Variants in PTPRN2 observed in about 807,000 individuals in gnomAD.
The protein encoded by PTPRN2 is receptor-type tyrosine-protein phosphatase N2.
A neutral mutation model predicts 118.8 loss-of-function variants in PTPRN2; 74 were observed. The observed-to-expected ratio is 0.62, with a 90% CI of 0.52 to 0.76. The LOEUF (loss-of-function observed/expected upper bound fraction) is 0.76, where lower values mean the gene tolerates loss of function less well. PTPRN2 is among the 30% of genes least tolerant of loss of function. The pLI is 0.00. For synonymous variants in PTPRN2, 641 were observed against 608.0 expected, an observed-to-expected ratio of 1.05 and a Z score of -0.80; for missense variants, 1,481 against 1,394.4, an observed-to-expected ratio of 1.06 and a Z score of -0.99.
intron 11 of PTPRN2, among the ~76,000 whole-genome samples, chr7:157,906,941 A>C (rs1247762948): frequency 6.6e-6 from 1 of 152,188 alleles, no homozygotes; most frequent in Admixed American, 6.5e-5. Context: ...AAACACGTGC[A>C]GTGACACTTC....
intron 10 of PTPRN2, among the ~76,000 whole-genome samples, chr7:158,096,207 TATAC>T (rs1375794955): frequency 1.3e-5 from 2 of 152,174 alleles, no homozygotes; most frequent in Non-Finnish European, 2.9e-5. Flanking sequence ...CTCACAGCCG[TATAC>T]ATAATTTGTG....
At chr7:157,673,288 T>A (rs1211062124) in intron 13 of PTPRN2, among the ~76,000 whole-genome samples, 1 of 152,148 alleles carries the variant, frequency 6.6e-6, no homozygotes, top group Non-Finnish European at 1.5e-5. Flanking sequence ...CCTCCCAAAG[T>A]GCTGGGATTA....
intron 12 of PTPRN2, among the ~76,000 whole-genome samples, chr7:157,875,571 C>T (rs1795708354): frequency 1.3e-5 from 2 of 152,262 alleles, no homozygotes; most frequent in South Asian, 4.1e-4. Flanking sequence ...GTTCCAGCCA[C>T]TTCCAAGGTG....
intron 12 of PTPRN2, among the ~76,000 whole-genome samples, chr7:157,766,181 A>C: frequency 8.8e-6 from 1 of 113,712 alleles, no homozygotes; most frequent in African/African-American, 3.5e-5. Flanking sequence ...CCATCTGTCC[A>C]CCAATCCATC....
At chr7:157,832,092 C>T (rs537653201) in intron 12 of PTPRN2, among the ~76,000 whole-genome samples, 4 of 152,290 alleles carry the variant, frequency 2.6e-5, no homozygotes, top group African/African-American at 4.8e-5. Context: ...TCTTCAGCAG[C>T]GCCCGGAAGC....
intron 9 of PTPRN2, among the ~76,000 whole-genome samples, chr7:158,114,227 C>A (rs978842286): frequency 6.6e-6 from 1 of 152,104 alleles, no homozygotes; most frequent in Non-Finnish European, 1.5e-5. Context: ...CAAGGACTCA[C>A]CAGGATGGGC....
intron 12 of PTPRN2, among the ~76,000 whole-genome samples, chr7:157,828,472 C>T (rs1254459075): frequency 2.6e-5 from 4 of 152,234 alleles, no homozygotes; most frequent in Non-Finnish European, 4.4e-5. Flanking sequence ...CCATCCGTGT[C>T]ATCAGCACCA....
chr7:158,063,237 A>C (rs13245705), intron 11 of PTPRN2, among the ~76,000 whole-genome samples: 4 of 151,874 alleles, frequency 2.6e-5, no homozygotes, highest in Non-Finnish European at 4.4e-5. Context: ...TAGCTAAGGG[A>C]CTGTAAATAC....
At chr7:157,867,490 C>T (rs1183209584) in intron 12 of PTPRN2, among the ~76,000 whole-genome samples, 45 of 137,378 alleles carry the variant, frequency 3.3e-4, no homozygotes, top group Non-Finnish European at 5.6e-4. Context: ...CCCTGACGCC[C>T]TGGATACACG....
At chr7:158,263,037 A>C (rs1272978187) in intron 3 of PTPRN2, among the ~76,000 whole-genome samples, 2 of 149,458 alleles carry the variant, frequency 1.3e-5, no homozygotes, top group Non-Finnish European at 3.0e-5. Flanking sequence ...ATACATATTC[A>C]CAAAATGCAC....
chr7:158,512,840 A>C (rs1163901722), intron 1 of PTPRN2, among the ~76,000 whole-genome samples: 4 of 152,204 alleles, frequency 2.6e-5, no homozygotes, highest in Non-Finnish European at 5.9e-5. Flanking sequence ...GTGTGAGGCC[A>C]CGGAACGGGC....
chr7:157,719,512 C>A (rs1799117943), intron 12 of PTPRN2, among the ~76,000 whole-genome samples: 1 of 152,268 alleles, frequency 6.6e-6, no homozygotes, highest in African/African-American at 2.4e-5. Flanking sequence ...CACATCCCGG[C>A]CTCCTGGGAA....
chr7:158,327,633 C>T (rs1280584722), intron 2 of PTPRN2, among the ~76,000 whole-genome samples: 1 of 152,246 alleles, frequency 6.6e-6, no homozygotes, highest in Non-Finnish European at 1.5e-5. Context: ...CCCTCACCAG[C>T]CTGGGACCGC....
chr7:157,772,234 CAT>C (rs766497366), intron 12 of PTPRN2, among the ~76,000 whole-genome samples: 2 of 150,620 alleles, frequency 1.3e-5, no homozygotes, highest in Admixed American at 6.6e-5. Flanking sequence ...GACACACACA[CAT>C]ACACACAGAC....
At chr7:157,846,884 T>C (rs1200226537) in intron 12 of PTPRN2, among the ~76,000 whole-genome samples, 3 of 150,262 alleles carry the variant, frequency 2.0e-5, no homozygotes, top group African/African-American at 7.4e-5. Flanking sequence ...GCCCGATGTT[T>C]ACAGAGCCCT....
intron 12 of PTPRN2, among the ~76,000 whole-genome samples, chr7:157,888,554 AC>A (rs1377457783): frequency 5.0e-5 from 3 of 59,548 alleles, no homozygotes; most frequent in Non-Finnish European, 7.1e-5. Context: ...GCGCCCCCCC[AC>A]CCCCCAACAT....
rs1313176955 is a variant in PTPRN2, at chr7:158,426,111, G to A, written c.163+63624C>T. On this transcript the variant is annotated intron_variant, in intron 2 of 22. Transcript: ENST00000389418. Reference sequence around the variant, plus strand: ...GCCTGCGCACCGCCGGGAAAGACGCGGTGTCCGAGACCAGCCTAGCTGAGG... The same window carrying A: ...GCCTGCGCACCGCCGGGAAAGACGCAGTGTCCGAGACCAGCCTAGCTGAGG... Among the ~76,000 whole-genome samples, 3 of 2,636 alleles carry A rather than the reference G, an allele frequency of 1.1e-3. 1 individual carries two copies. Among genetic ancestry groups the A allele is most frequent in the Non-Finnish European group, 1.1e-3 (2 of 1,826 alleles). 1.7% of individuals were successfully genotyped at this position (2,636 alleles called of 152,430 possible).
chr7:158,146,301 A>C (rs894166397), intron 6 of PTPRN2, among the ~76,000 whole-genome samples: 3 of 152,194 alleles, frequency 2.0e-5, no homozygotes, highest in African/African-American at 4.8e-5. Context: ...ATTTAAAAAA[A>C]TATGAACCTC....
chr7:158,058,773 A>G lies in PTPRN2; in HGVS notation c.1723+22525T>C, dbSNP rs1474148237. Among the ~76,000 whole-genome samples, 32 of 102,772 alleles carry G rather than the reference A, an allele frequency of 3.1e-4. 2 individuals are homozygous for G. The highest frequency in any genetic ancestry group is 1.3e-3 in the African/African-American group (27 of 20,610). 67.4% of individuals were successfully genotyped at this position (102,772 alleles called of 152,430 possible). ...CCACACTCCATCTGCCCACGGTGAG[A>G]CATCACTGCAGCCACACTCCATCTG... is the stretch of plus-strand genomic sequence containing the variant. On this transcript the variant is annotated intron_variant, in intron 11 of 22. Coordinates refer to ENST00000389418, the MANE Select transcript of PTPRN2 (RefSeq NM_002847.5).
Sources: allele counts gnomAD v4.1 joint callset (sites outside exome capture counted in the v4.1 genomes callset), GRCh38; gene constraint gnomAD v4.1.1; transcripts MANE v1.5; gene names NCBI Gene and HGNC (gene_info 2026-07-23, HGNC 2026-07-21).